ST6GALNAC1: variants seen among roughly 807,000 people sequenced by gnomAD.
ST6GALNAC1 encodes the protein alpha-N-acetylgalactosaminide alpha-2,6-sialyltransferase 1.
Under a neutral mutation model 56.8 loss-of-function variants are expected in ST6GALNAC1, and 45 were observed. The ratio of observed to expected loss-of-function variants is 0.79; its 90% CI spans 0.62 to 1.02. The LOEUF is 1.02. Ranked by LOEUF, ST6GALNAC1 falls within the 50% of genes least tolerant of loss-of-function variation. The pLI, the probability that ST6GALNAC1 is intolerant of heterozygous loss-of-function variation, is 0.00. For missense variants in ST6GALNAC1, 743 were observed against 754.8 expected (o/e 0.98, Z 0.18); for synonymous variants, 295 against 297.8 (o/e 0.99, Z 0.10).
At position 76,629,631 on chromosome 17, in the gene ST6GALNAC1, C is replaced by T. The variant is rs1375003157; in HGVS notation, c.212G>A (p.Arg71Lys). 1 of 1,613,758 alleles carries T rather than the reference C, an allele frequency of 6.2e-7. No homozygotes were observed. Among genetic ancestry groups the T allele is most frequent in the East Asian group, 2.2e-5 (1 of 44,862 alleles). The change falls in exon 2 of 9, where the codon AGG (arginine) becomes AAG (lysine). Residue 71 changes from arginine (R) to lysine (K), a missense_variant. Coordinates refer to ENST00000156626, the MANE Select transcript of ST6GALNAC1 (RefSeq NM_018414.5). ...TGGCTCTGCATAGATGGTTGTCCTC[C>T]TTGCCCTTGTGGGTGCCTGGGACTT... is the stretch of plus-strand genomic sequence containing the variant. ...KPKSQAPTRARRTTIYAEPVP... is the reference protein window; with the variant it reads ...KPKSQAPTRAKRTTIYAEPVP...
chr17:76,637,670 G>A (rs2075995597), intron 1 of ST6GALNAC1: 1 of 398,936 alleles, frequency 2.5e-6, no homozygotes. Context: ...ACTCAATAGC[G>A]AAGGGTCAGC....
the ST6GALNAC1 span, among the ~76,000 whole-genome samples, chr17:76,619,337 GATCTAGGGA>G: frequency 6.6e-6 from 1 of 152,122 alleles, no homozygotes; most frequent in African/African-American, 2.4e-5. Context: ...TTCACTGACG[GATCTAGGGA>G]ATGTATGTAT....
chr17:76,643,609 G>A lies in ST6GALNAC1; in HGVS notation c.30C>T (p.His10=), dbSNP rs62085073. ...AGGACCACTGGACGCCTTGGCTCAGGTGCCTGCATCTCCACAGGCAGGACC... is the reference window on the plus strand; with the variant it reads ...AGGACCACTGGACGCCTTGGCTCAGATGCCTGCATCTCCACAGGCAGGACC... MRSCLWRCR[H]LSQGVQWSLL... is the part of the protein sequence containing the mutation. Residue 10 remains histidine (H), a synonymous_variant, in exon 1 of 9, where the codon CAC becomes CAT. Transcript: ENST00000156626. The A allele has an allele frequency of 6.2e-7, 1 of 1,614,120 alleles. No individual in the cohort carries two copies. The highest frequency in any genetic ancestry group is 1.3e-5 in the African/African-American group (1 of 75,054).
chr17:76,618,859 G>C, the ST6GALNAC1 span, among the ~76,000 whole-genome samples: 1 of 152,028 alleles, frequency 6.6e-6, no homozygotes, highest in Admixed American at 6.5e-5. Flanking sequence ...TGGGAGGATC[G>C]CTTGAACCTA....
intron 1 of ST6GALNAC1, among the ~76,000 whole-genome samples, chr17:76,634,232 C>A (rs2075945860): frequency 6.6e-6 from 1 of 152,156 alleles, no homozygotes; most frequent in East Asian, 1.9e-4. Flanking sequence ...TTTCTCAGTC[C>A]CCACCATCAA....
chr17:76,632,112 A>G (rs1221920632), intron 1 of ST6GALNAC1, among the ~76,000 whole-genome samples: 2 of 152,086 alleles, frequency 1.3e-5, no homozygotes, highest in African/African-American at 2.4e-5. Flanking sequence ...TTTAACAAAC[A>G]GCTCTTGTTA....
Position 76,625,323 on chromosome 17 carries a change from G to A in ST6GALNAC1, c.*7C>T. The stretch of plus-strand genomic sequence containing the variant: ...AGGCAAGGAGACCATGGCAGCCCTG[G>A]CCCCGGTCAGTTCTTGGCTTTGGCA... On this transcript the variant is annotated 3_prime_UTR_variant, in exon 9 of 9. Coordinates refer to ENST00000156626, the MANE Select transcript of ST6GALNAC1 (RefSeq NM_018414.5). The A allele has an allele frequency of 6.2e-7, 1 of 1,611,898 alleles. No homozygotes were observed.
In ST6GALNAC1 at chr17:76,629,355, G is replaced by A. The variant is rs775223600; in HGVS notation, c.488C>T (p.Thr163Met). Residue 163 changes from threonine to methionine, a missense_variant, in exon 2 of 9, where the codon ACG (threonine) becomes ATG (methionine). Physicochemically the swap from Thr to Met is moderately conservative, Grantham distance 81. Coordinates refer to ENST00000156626, the MANE Select transcript of ST6GALNAC1 (RefSeq NM_018414.5). The stretch of plus-strand genomic sequence containing the variant: ...GGTCTGGCCCCCATTTCCTTGGGTC[G>A]TCTTTGTGTCCTGGCTCTTCCATGA... ...AQSWKSQDTK[T>M]TQGNGGQTRK... 3.8e-5 allele frequency: 62 copies of A among 1,614,038 alleles called. No homozygotes were observed. The highest frequency in any genetic ancestry group is 1.8e-4 in the South Asian group (16 of 91,086).
At position 76,625,083 on chromosome 17, in the gene ST6GALNAC1, C is replaced by G; in HGVS notation, c.*247G>C. On this transcript the variant is annotated 3_prime_UTR_variant, in exon 9 of 9. Transcript: ENST00000156626. Reference sequence around the variant, plus strand: ...CAGCAGGAATTGTGGTATTGGCCACCCATCACCCCATTTAATTAAAAATCC... The same window carrying G: ...CAGCAGGAATTGTGGTATTGGCCACGCATCACCCCATTTAATTAAAAATCC... 1.9e-6 allele frequency: 1 copy of G among 529,418 alleles called. No homozygotes were observed. The highest frequency in any genetic ancestry group is 3.3e-6 in the Non-Finnish European group (1 of 298,592). The allele number at this position is 529,418 out of a possible 1,614,324, so 32.8% of individuals were successfully genotyped here. A position where few individuals can be genotyped will look rare whatever the true frequency, so the allele number is the denominator to read the frequency against.
intron 1 of ST6GALNAC1, 79 bp from the exon 2 acceptor site, chr17:76,629,790 T>TC: frequency 8.4e-7 from 1 of 1,188,390 alleles, no homozygotes; most frequent in South Asian, 1.5e-5. Flanking sequence ...TTTGTTTTTT[T>TC]TTTTTTTTTT....
rs2075783216 is a variant in ST6GALNAC1, at chr17:76,625,482, C to T, written c.1651G>A (p.Asp551Asn). ...FITEGHERFS[D>N]HYYDTSWKRL... is the part of the protein sequence containing the mutation. The stretch of plus-strand genomic sequence containing the variant: ...TTCCATGATGTATCATAGTAGTGAT[C>T]AGAAAAGCGCTCATGGCCCTCAGTG... The change falls in exon 9 of 9, where the codon GAT becomes AAT. Residue 551 changes from aspartate (D) to asparagine (N), a missense_variant. Transcript: ENST00000156626. 6.2e-7 allele frequency: 1 copy of T among 1,614,078 alleles called. No homozygotes were observed. The highest frequency in any genetic ancestry group is 8.5e-7 in the Non-Finnish European group (1 of 1,180,030).
At chr17:76,630,259 G>A (rs1279690676) in intron 1 of ST6GALNAC1, among the ~76,000 whole-genome samples, 1 of 152,168 alleles carries the variant, frequency 6.6e-6, no homozygotes, top group Non-Finnish European at 1.5e-5. Context: ...TGTGATACAC[G>A]ATTATTGTTA....
At position 76,625,484 on chromosome 17, in the gene ST6GALNAC1, G is replaced by A; in HGVS notation, c.1649C>T (p.Ser550Phe). The A allele has an allele frequency of 6.2e-7, 1 of 1,614,138 alleles. No homozygotes were observed. Among genetic ancestry groups the A allele is most frequent in the Non-Finnish European group, 8.5e-7 (1 of 1,180,036 alleles). The change falls in exon 9 of 9, where the codon TCT (serine) becomes TTT (phenylalanine). Residue 550 changes from serine (S) to phenylalanine (F), a missense_variant. Physicochemically the swap from Ser to Phe is radical, Grantham distance 155. Transcript: ENST00000156626. ...CCATGATGTATCATAGTAGTGATCA[G>A]AAAAGCGCTCATGGCCCTCAGTGAT... ...GFITEGHERF[S>F]DHYYDTSWKR...
chr17:76,629,665 C>T lies in ST6GALNAC1; in HGVS notation c.178G>A (p.Ala60Thr), dbSNP rs2075864558. ...GTGGGTGCCTGGGACTTAGGCTTTG[C>T]CAGGGACTGTAGAGACCTTTCTTTA... ...NIKERSLQSL[A>T]KPKSQAPTRA... The change falls in exon 2 of 9, where the codon GCA (alanine) becomes ACA (threonine). Residue 60 changes from alanine to threonine, a missense_variant. Physicochemically the swap from Ala to Thr is moderately conservative, Grantham distance 58. Transcript: ENST00000156626. 2 of 1,613,544 alleles carry T rather than the reference C, an allele frequency of 1.2e-6. No individual in the cohort carries two copies. The highest frequency in any genetic ancestry group is 3.3e-5 in the Admixed American group (2 of 59,986).
downstream of ST6GALNAC1, among the ~76,000 whole-genome samples, chr17:76,621,755 G>A (rs530319359): frequency 3.8e-4 from 58 of 152,136 alleles, no homozygotes; most frequent in African/African-American, 1.2e-3. Context: ...CATTACAGGC[G>A]TGAGCCATCA....
At chr17:76,619,458 A>G in the ST6GALNAC1 span, among the ~76,000 whole-genome samples, 1 of 152,200 alleles carries the variant, frequency 6.6e-6, no homozygotes, top group Non-Finnish European at 1.5e-5. Flanking sequence ...GTCCAACACC[A>G]GAGGGTTCAT....
Position 76,629,654 on chromosome 17 carries a change from C to T in ST6GALNAC1, c.189G>A (p.Lys63=). ...TCCTTGCCCTTGTGGGTGCCTGGGA[C>T]TTAGGCTTTGCCAGGGACTGTAGAG... The part of the protein sequence containing the change: ...ERSLQSLAKP[K]SQAPTRARRT... Residue 63 remains lysine (K), a synonymous_variant, in exon 2 of 9, where the codon AAG becomes AAA. Coordinates refer to ENST00000156626, the MANE Select transcript of ST6GALNAC1 (RefSeq NM_018414.5). 6.2e-7 allele frequency: 1 copy of T among 1,613,738 alleles called. No homozygotes were observed. The highest frequency in any genetic ancestry group is 8.5e-7 in the Non-Finnish European group (1 of 1,179,796).
the ST6GALNAC1 span, among the ~76,000 whole-genome samples, chr17:76,618,283 C>T: frequency 6.6e-6 from 1 of 152,138 alleles, no homozygotes; most frequent in Non-Finnish European, 1.5e-5. Flanking sequence ...GCTAGGAGGG[C>T]TGAGGAGAAT....
At chr17:76,639,637 A>AC (rs2076020078) in intron 1 of ST6GALNAC1, among the ~76,000 whole-genome samples, 5 of 109,180 alleles carry the variant, frequency 4.6e-5, no homozygotes, top group South Asian at 3.1e-4. Context: ...ATTACATGAT[A>AC]AACACACACA....
Sources: gnomAD v4.1 joint callset for allele counts (sites outside exome capture counted in the v4.1 genomes callset) on GRCh38, gnomAD v4.1.1 for gene constraint, MANE v1.5 for transcripts, NCBI Gene and HGNC (gene_info 2026-07-23, HGNC 2026-07-21) for gene names.